Variants in APAF1 observed in about 807,000 individuals in gnomAD.
APAF1 encodes the protein apoptotic peptidase activating factor 1, also known as apoptotic protease-activating factor 1.
APAF1 carries 91 observed loss-of-function variants against 152.4 expected under a neutral mutation model. The observed-to-expected ratio is 0.60, with a 90% confidence interval of 0.50 to 0.71. The LOEUF is 0.71. APAF1 is among the 30% of genes least tolerant of loss of function. The probability of loss-of-function intolerance (pLI) is 0.00; values close to 1 mark genes in which losing one functional copy is unlikely to be tolerated. For missense variants in APAF1, 1,283 were observed against 1,472.0 expected (o/e 0.87, Z 2.10); for synonymous variants, 484 against 494.1 (o/e 0.98, Z 0.27).
Position 98,666,194 on chromosome 12 carries a change from T to C in APAF1, c.1199T>C (p.Leu400Ser). 1 of 1,613,756 alleles carries C rather than the reference T, an allele frequency of 6.2e-7. No individual in the cohort carries two copies. Among genetic ancestry groups the C allele is most frequent in the Non-Finnish European group, 8.5e-7 (1 of 1,179,706 alleles). The change falls in exon 9 of 27, where the codon TTA becomes TCA. Residue 400 changes from leucine to serine, a missense_variant. Leu to Ser is a moderately radical substitution (Grantham distance 145). Coordinates refer to ENST00000551964, the MANE Select transcript of APAF1 (RefSeq NM_181861.2). ...AATACTTACAACAATTCCTAGGTGT[T>C]ATGTATTCTCTGGGACATGGAAACT... ...QKDVKVPTKV[L>S]CILWDMETEE...
At chr12:98,665,885 T>A (rs1462767430) in intron 8 of APAF1, 94 bp downstream of exon 8, 2 of 1,159,346 alleles carry the variant, frequency 1.7e-6, no homozygotes, top group African/African-American at 3.0e-5. Context: ...CTTGGAAGGA[T>A]AAGACCCAGG....
intron 22 of APAF1, among the ~76,000 whole-genome samples, chr12:98,722,328 G>T (rs1291603217): frequency 7.2e-5 from 11 of 152,054 alleles, no homozygotes; most frequent in Non-Finnish European, 1.6e-4. Context: ...TTTTGGGTTT[G>T]TTGTTGTATT....
At chr12:98,708,492 G>C in intron 19 of APAF1, 93 bp from the exon 20 acceptor site, 1 of 1,275,204 alleles carries the variant, frequency 7.8e-7, no homozygotes, top group Non-Finnish European at 1.1e-6. Flanking sequence ...TAGCATCATA[G>C]GTATTTTATG....
chr12:98,686,649 A>G (rs1330528264), intron 15 of APAF1, 99 bp from the exon 16 acceptor site: 32 of 1,223,374 alleles, frequency 2.6e-5, no homozygotes, highest in South Asian at 5.5e-5. Context: ...TCTGTAATCA[A>G]AAAGCTTAAA....
intron 16 of APAF1, among the ~76,000 whole-genome samples, chr12:98,692,273 C>T (rs1305352358): frequency 2.0e-5 from 3 of 151,992 alleles, no homozygotes; most frequent in African/African-American, 4.8e-5. Flanking sequence ...TGAGTAGAGA[C>T]GGGGTTTCAC....
rs527785409 is a variant in APAF1, at chr12:98,708,646, T to C, written c.2783T>C (p.Val928Ala). 5.0e-6 allele frequency: 8 copies of C among 1,613,722 alleles called. No homozygotes were observed. Among genetic ancestry groups the C allele is most frequent in the Middle Eastern group, 1.7e-4 (1 of 6,038 alleles). ...GTAATGTTAAAGCAAGAAGTAGATG[T>C]TGTGTTTCAAGAAAATGAAGTGATG... The part of the protein sequence containing the change: ...SAVMLKQEVD[V>A]VFQENEVMVL... Residue 928 changes from valine to alanine, a missense_variant, in exon 20 of 27, where the codon GTT (valine) becomes GCT (alanine). By Grantham distance (64) the Val-to-Ala change is moderately conservative. Transcript: ENST00000551964.
intron 25 of APAF1, 106 bp from the exon 26 acceptor site, chr12:98,727,067 C>T (rs2097751617): frequency 9.6e-7 from 1 of 1,036,650 alleles, no homozygotes; most frequent in African/African-American, 1.6e-5. Flanking sequence ...ATAATAAAGT[C>T]TAGTAAAATA....
intron 1 of APAF1, 123 bp from the exon 2 acceptor site, chr12:98,648,196 A>T: frequency 1.2e-6 from 1 of 869,516 alleles, no homozygotes; most frequent in Non-Finnish European, 1.8e-6. Flanking sequence ...TTGTCCATTT[A>T]AAAATTTTTG....
intron 4 of APAF1, among the ~76,000 whole-genome samples, chr12:98,654,738 A>T (rs2097654147): frequency 6.6e-6 from 1 of 152,190 alleles, no homozygotes; most frequent in East Asian, 1.9e-4. Flanking sequence ...GTACAAATTT[A>T]AAAAAATGGA....
At chr12:98,667,476 T>C in intron 9 of APAF1, 37 bp from the exon 10 acceptor site, 2 of 1,609,008 alleles carry the variant, frequency 1.2e-6, no homozygotes, top group Non-Finnish European at 1.7e-6. Context: ...GGTTATAAAA[T>C]TGTTTCTGGC....
chr12:98,686,692 G>C, intron 15 of APAF1, 56 bp from the exon 16 acceptor site: 2 of 1,538,682 alleles, frequency 1.3e-6, no homozygotes, highest in East Asian at 2.3e-5. Context: ...CATGATTTCT[G>C]ATGTTTCCCC....
intron 21 of APAF1, among the ~76,000 whole-genome samples, chr12:98,714,028 T>C (rs1197682167): frequency 1.3e-5 from 2 of 152,222 alleles, no homozygotes; most frequent in South Asian, 2.1e-4. Flanking sequence ...ATCATGGATA[T>C]GTATTTCTTA....
chr12:98,673,764 G>A (rs35715320), intron 12 of APAF1, among the ~76,000 whole-genome samples: 2,287 of 152,306 alleles, frequency 0.015, 43 homozygotes, highest in African/African-American at 0.037. Flanking sequence ...TAGATGTGAG[G>A]TCTTTCCCCT....
Position 98,735,295 on chromosome 12 carries a change from T to C in APAF1, c.*2729T>C, listed in dbSNP as rs2097767953. On this transcript the variant is annotated 3_prime_UTR_variant, in exon 27 of 27. Coordinates refer to ENST00000551964, the MANE Select transcript of APAF1 (RefSeq NM_181861.2). The stretch of plus-strand genomic sequence containing the variant: ...TTCATATATATAATTTTTTTTTACA[T>C]TATATGTCTCTTGTATGTTTTGAAA... The C allele has an allele frequency of 2.5e-6, 1 of 400,512 alleles. No homozygotes were observed. The highest frequency in any genetic ancestry group is 2.1e-5 in the African/African-American group (1 of 48,670). 24.8% of individuals were successfully genotyped at this position (400,512 alleles called of 1,614,324 possible).
In APAF1 at chr12:98,732,904, T is replaced by C. The variant is rs2097764350; in HGVS notation, c.*338T>C. 3.3e-6 allele frequency: 1 copy of C among 305,502 alleles called. No individual in the cohort carries two copies. The highest frequency in any genetic ancestry group is 2.2e-5 in the African/African-American group (1 of 44,874). 18.9% of individuals were successfully genotyped at this position (305,502 alleles called of 1,614,324 possible). A position where few individuals can be genotyped will look rare whatever the true frequency, so the allele number is the denominator to read the frequency against. On this transcript the variant is annotated 3_prime_UTR_variant, in exon 27 of 27. Coordinates refer to ENST00000551964, the MANE Select transcript of APAF1 (RefSeq NM_181861.2). ...GAGAAGAATTTGGAAGAAATTGGTA[T>C]TTTAATACTGTCTGTATTTATTACT...
intron 16 of APAF1, among the ~76,000 whole-genome samples, chr12:98,696,020 C>T (rs989211758): frequency 2.0e-5 from 3 of 152,180 alleles, no homozygotes; most frequent in Non-Finnish European, 2.9e-5. Flanking sequence ...GTCTCTTTCT[C>T]CATTTTCCTT....
chr12:98,703,600 G>C (rs1424416260), intron 18 of APAF1, 101 bp downstream of exon 18: 5 of 1,461,366 alleles, frequency 3.4e-6, no homozygotes, highest in Non-Finnish European at 4.8e-6. Flanking sequence ...AGCCTTGCTT[G>C]AGAAATTATA....
intron 13 of APAF1, among the ~76,000 whole-genome samples, chr12:98,678,843 C>T (rs1016871291): frequency 2.6e-5 from 4 of 152,226 alleles, no homozygotes; most frequent in African/African-American, 4.8e-5. Context: ...CCTGCCGCCT[C>T]GGCCCCCTCC....
rs1172506101 is a variant in APAF1, at chr12:98,665,778, A to G, written c.1181A>G (p.Lys394Arg). ...TDLSILQKDV[K>R]VPTKVLCILW... ...CTTTCCATCCTTCAGAAGGACGTTA[A>G]GGTGCCTACAAAGGTAATGGGATCA... Residue 394 changes from lysine (K) to arginine (R), a missense_variant, in exon 8 of 27, where the codon AAG (lysine) becomes AGG (arginine). Transcript: ENST00000551964. 1 of 1,611,706 alleles carries G rather than the reference A, an allele frequency of 6.2e-7. No homozygotes were observed. The highest frequency in any genetic ancestry group is 8.5e-7 in the Non-Finnish European group (1 of 1,177,808).
Sources: gnomAD v4.1 joint callset for allele counts (sites outside exome capture counted in the v4.1 genomes callset) on GRCh38, gnomAD v4.1.1 for gene constraint, MANE v1.5 for transcripts, NCBI Gene and HGNC (gene_info 2026-07-23, HGNC 2026-07-21) for gene names.